MTMR9: variants seen among roughly 807,000 people sequenced by gnomAD.
MTMR9 encodes the protein myotubularin related protein 9.
Under a neutral mutation model 69.5 loss-of-function variants are expected in MTMR9, and 39 were observed. The ratio of observed to expected loss-of-function variants is 0.56; its 90% CI spans 0.43 to 0.73. The LOEUF is 0.73. MTMR9 is among the 30% of genes least tolerant of loss of function. The pLI is 0.00. For synonymous variants in MTMR9, 354 were observed against 240.8 expected (o/e 1.47, Z -4.35); for missense variants, 900 against 671.2 (o/e 1.34, Z -3.77).
Position 11,301,606 on chromosome 8 carries a change from T to C in MTMR9, c.417+1458T>C, listed in dbSNP as rs147610204. Reference sequence around the variant, plus strand: ...GACCTTCAGTTAGACAGAGATTTTTTAGATATGACACCAAAAGTGACTGAA... The same window carrying C: ...GACCTTCAGTTAGACAGAGATTTTTCAGATATGACACCAAAAGTGACTGAA... On this transcript the variant is annotated intron_variant, in intron 3 of 9. Coordinates refer to ENST00000221086, the MANE Select transcript of MTMR9 (RefSeq NM_015458.4). Among the ~76,000 whole-genome samples the C allele has an allele frequency of 4.9e-3, 744 of 152,362 alleles. 12 individuals carry two copies. The highest frequency in any genetic ancestry group is 0.017 in the African/African-American group (714 of 41,586).
chr8:11,300,878 C>A (rs1435279), intron 3 of MTMR9: 96,486 of 152,010 alleles, frequency 0.63, 32,222 homozygotes, highest in East Asian at 0.85. Flanking sequence ...CAATATTGTT[C>A]AGGTTAGTGG....
chr8:11,316,206 T>C (rs1431346261), intron 7 of MTMR9: 1 of 152,388 alleles, frequency 6.6e-6, no homozygotes, highest in Non-Finnish European at 1.5e-5. Flanking sequence ...GAGCTGACAT[T>C]ATAAAGGTGA....
Position 11,300,384 on chromosome 8 carries a change from T to TA in MTMR9, c.417+239dup, listed in dbSNP as rs566930564. The TA allele has an allele frequency of 1.9e-3, 609 of 315,136 alleles. 3 individuals are homozygous for TA. The highest frequency in any genetic ancestry group is 0.013 in the African/African-American group (589 of 45,884). 19.5% of individuals were successfully genotyped at this position (315,136 alleles called of 1,614,324 possible). A position where few individuals can be genotyped will look rare whatever the true frequency, so the allele number is the denominator to read the frequency against. On this transcript the variant is annotated intron_variant, in intron 3 of 9. Coordinates refer to ENST00000221086, the MANE Select transcript of MTMR9 (RefSeq NM_015458.4). ...GGAATACCCCCAAGTATTTCTAAAT[T>TA]AAACAGAACGCTTGTAAATAATCTG...
At chr8:11,334,098 A>T in the MTMR9 span, among the ~76,000 whole-genome samples, 16 of 152,298 alleles carry the variant, frequency 1.1e-4, no homozygotes, top group East Asian at 3.1e-3. Context: ...GGCCCTCACC[A>T]GATGCTGGCA....
intron 2 of MTMR9, among the ~76,000 whole-genome samples, chr8:11,296,483 C>G (rs1038260081): frequency 6.6e-6 from 1 of 152,186 alleles, no homozygotes; most frequent in Admixed American, 6.5e-5. Context: ...TGCAGCAGAT[C>G]TCCAGGACTT....
chr8:11,333,182 C>G, the MTMR9 span, among the ~76,000 whole-genome samples: 1 of 152,136 alleles, frequency 6.6e-6, no homozygotes, highest in Non-Finnish European at 1.5e-5. Flanking sequence ...ATACCATAAA[C>G]TCAAAGAGAT....
Position 11,306,492 on chromosome 8 carries a change from C to G in MTMR9, c.809+85C>G, listed in dbSNP as rs1585122108. 2.5e-6 allele frequency: 3 copies of G among 1,186,444 alleles called. No homozygotes were observed. In the Admixed American group the frequency reaches 6.5e-5, roughly 26 times the overall value. 73.5% of individuals were successfully genotyped at this position (1,186,444 alleles called of 1,614,324 possible). A position where few individuals can be genotyped will look rare whatever the true frequency, so the allele number is the denominator to read the frequency against. ...CTTAGCCATTTGAAAATCACAAGTG[C>G]TCAAATTAACTTCTGCATTAATTTA... is the stretch of plus-strand genomic sequence containing the variant. On this transcript the variant is annotated intron_variant, in intron 5 of 9. Transcript: ENST00000221086.
downstream of MTMR9, chr8:11,332,063 C>T (rs755998485): frequency 3.7e-6 from 6 of 1,611,754 alleles, no homozygotes; most frequent in South Asian, 5.5e-5. Context: ...TGCTGGGCAG[C>T]ATTGCCATCA....
chr8:11,290,182 A>G (rs1799331341), intron 1 of MTMR9, among the ~76,000 whole-genome samples: 1 of 152,088 alleles, frequency 6.6e-6, no homozygotes, highest in Admixed American at 6.6e-5. Flanking sequence ...CTTTGTTTTA[A>G]TTTGAATTTC....
rs1194386396 is a variant in MTMR9 at position 11,323,476 on chromosome 8, A to G, written c.*688A>G. On this transcript the variant is annotated 3_prime_UTR_variant, in exon 10 of 10. Coordinates refer to ENST00000221086, the MANE Select transcript of MTMR9 (RefSeq NM_015458.4). The stretch of plus-strand genomic sequence containing the variant: ...TTATTTTAACGTAGACACTAAAAGT[A>G]TGTGCAATATACAATTAAAGTAGGA... 1 of 152,266 alleles carries G rather than the reference A, an allele frequency of 6.6e-6. No individual in the cohort carries two copies. Among genetic ancestry groups the G allele is most frequent in the Non-Finnish European group, 1.5e-5 (1 of 68,048 alleles). The allele number at this position is 152,266 out of a possible 1,614,324, so 9.4% of individuals were successfully genotyped here.
rs771468577 is a variant in MTMR9 at position 11,284,942 on chromosome 8, C to T, written c.54C>T (p.His18=). 8 of 1,613,818 alleles carry T rather than the reference C, an allele frequency of 5.0e-6. No individual in the cohort carries two copies. Among genetic ancestry groups the T allele is most frequent in the East Asian group, 4.5e-5 (2 of 44,848 alleles). ...CGCGGGTGGACAATGTGGTGCTGCA[C>T]CGGCCTTTCTACCCGGCTGTCGAGG... ...KTPRVDNVVL[H]RPFYPAVEGT... Residue 18 remains histidine (H), a synonymous_variant, in exon 1 of 10, where the codon CAC becomes CAT. Transcript: ENST00000221086.
At chr8:11,304,255 A>G (rs2060464) in intron 3 of MTMR9, among the ~76,000 whole-genome samples, 3,831 of 152,286 alleles carry the variant, frequency 0.025, 150 homozygotes, top group African/African-American at 0.085. Context: ...CAATCTTAGT[A>G]CATTTTTTAC....
chr8:11,319,551 A>T (rs374058360), intron 8 of MTMR9, 136 bp from the exon 9 acceptor site: 4 of 859,932 alleles, frequency 4.7e-6, no homozygotes, highest in Non-Finnish European at 7.1e-6. Flanking sequence ...TTGATTTTTC[A>T]ACACTTTGTT....
rs1800587905 is a variant in MTMR9 at position 11,319,747 on chromosome 8, T to G, written c.1395T>G (p.Ser465Arg). Reference protein sequence around the residue: ...MSLWSWVNQPSELSKFTNPLF... With the variant: ...MSLWSWVNQPRELSKFTNPLF... ...TGTGGTCCTGGGTTAATCAGCCCAGTGAGCTGAGTAAATTCACCAATCCCC... is the reference window on the plus strand; with the variant it reads ...TGTGGTCCTGGGTTAATCAGCCCAGGGAGCTGAGTAAATTCACCAATCCCC... Residue 465 changes from serine (S) to arginine (R), a missense_variant, in exon 9 of 10, where the codon AGT becomes AGG. Physicochemically the swap from Ser to Arg is moderately radical, Grantham distance 110. Transcript: ENST00000221086. 5.6e-6 allele frequency: 9 copies of G among 1,614,172 alleles called. No individual in the cohort carries two copies. The highest frequency in any genetic ancestry group is 6.8e-6 in the Non-Finnish European group (8 of 1,179,982).
chr8:11,338,765 C>A, the MTMR9 span, among the ~76,000 whole-genome samples: 4 of 152,102 alleles, frequency 2.6e-5, 1 homozygote, highest in South Asian at 6.2e-4. Context: ...ATTCTAAGAC[C>A]CAGAGTCTGT....
At chr8:11,335,748 C>G in the MTMR9 span, among the ~76,000 whole-genome samples, 19 of 152,290 alleles carry the variant, frequency 1.2e-4, no homozygotes, top group African/African-American at 4.1e-4. Context: ...GTAGCATTAC[C>G]TTGATCTCTG....
At chr8:11,320,006 T>C in intron 9 of MTMR9, 168 bp downstream of exon 9, 2 of 562,278 alleles carry the variant, frequency 3.6e-6, no homozygotes, top group Non-Finnish European at 5.8e-6. Context: ...AAATCAGTTA[T>C]CTAGCCACAC....
Position 11,310,412 on chromosome 8 carries a change from T to C in MTMR9, c.971+724T>C, listed in dbSNP as rs895284841. Among the ~76,000 whole-genome samples the C allele has an allele frequency of 2.0e-5, 3 of 152,336 alleles. No individual in the cohort carries two copies. The East Asian group carries it at 5.8e-4, about 29-fold the overall frequency. ...TCACCACATGGATAGATGGCACTTT[T>C]CTTTGAGACTTTAACTTGTTTTATT... On this transcript the variant is annotated intron_variant, in intron 6 of 9. Coordinates refer to ENST00000221086, the MANE Select transcript of MTMR9 (RefSeq NM_015458.4).
At chr8:11,337,474 G>A in the MTMR9 span, among the ~76,000 whole-genome samples, 3 of 152,156 alleles carry the variant, frequency 2.0e-5, no homozygotes, top group Non-Finnish European at 4.4e-5. Flanking sequence ...TCTACCCTCT[G>A]CCTTGCATTT....
Sources: gnomAD v4.1 joint callset for allele counts (sites outside exome capture counted in the v4.1 genomes callset) on GRCh38, gnomAD v4.1.1 for gene constraint, MANE v1.5 for transcripts, NCBI Gene and HGNC (gene_info 2026-07-23, HGNC 2026-07-21) for gene names.